VRK2: variants seen among roughly 807,000 people sequenced by gnomAD.
VRK2 encodes the protein serine/threonine-protein kinase VRK2.
A neutral mutation model predicts 57.6 loss-of-function variants in VRK2; 60 were observed. That is an observed-to-expected ratio of 1.04 (90% CI 0.85 to 1.29). The LOEUF (loss-of-function observed/expected upper bound fraction) is 1.29. Ranked by LOEUF, VRK2 falls within the 50% of genes most tolerant of loss-of-function variation. The pLI, the probability that VRK2 is intolerant of heterozygous loss-of-function variation, is 0.00. For synonymous variants in VRK2, 231 were observed against 199.2 expected, an observed-to-expected ratio of 1.16 and a Z score of -1.35; for missense variants, 705 against 588.1, an observed-to-expected ratio of 1.20 and a Z score of -2.06.
intron 1 of VRK2, among the ~76,000 whole-genome samples, chr2:57,987,130 A>G (rs1672621373): frequency 6.6e-6 from 1 of 152,180 alleles, no homozygotes; most frequent in Non-Finnish European, 1.5e-5. Flanking sequence ...TGAAATATCA[A>G]AAGCATAAAA....
intron 1 of VRK2, among the ~76,000 whole-genome samples, chr2:57,912,259 G>A (rs1040226): frequency 0.31 from 47,559 of 152,006 alleles, 9,116 homozygotes; most frequent in African/African-American, 0.55. Flanking sequence ...AAGTGAACAA[G>A]CCATGTGTCT....
At chr2:58,128,607 C>G (rs1678712835) in intron 8 of VRK2, among the ~76,000 whole-genome samples, 1 of 152,146 alleles carries the variant, frequency 6.6e-6, no homozygotes. Flanking sequence ...ACTGGGATTA[C>G]AGGTATGAGC....
chr2:58,054,390 GT>G (rs542701260), intron 2 of VRK2, among the ~76,000 whole-genome samples: 58 of 144,832 alleles, frequency 4.0e-4, no homozygotes, highest in Admixed American at 3.4e-4. Context: ...AGTGGTCAAG[GT>G]TTTTTTTTTT....
At chr2:58,047,915 C>T (rs899811664) in intron 1 of VRK2, among the ~76,000 whole-genome samples, 1 of 152,210 alleles carries the variant, frequency 6.6e-6, no homozygotes, top group African/African-American at 2.4e-5. Context: ...TTTACATTTA[C>T]GTATATACGT....
intron 2 of VRK2, among the ~76,000 whole-genome samples, chr2:58,070,775 T>A (rs564193892): frequency 3.3e-5 from 5 of 152,314 alleles, no homozygotes; most frequent in African/African-American, 1.2e-4. Context: ...ATAAATGTTT[T>A]ATGTGCGGAT....
At chr2:57,970,872 TC>T (rs1331704038) in intron 1 of VRK2, among the ~76,000 whole-genome samples, 1 of 152,078 alleles carries the variant, frequency 6.6e-6, no homozygotes, top group Non-Finnish European at 1.5e-5. Context: ...TTACATTTTA[TC>T]TTTAAATATT....
chr2:57,988,915 T>C (rs532400984), intron 1 of VRK2, among the ~76,000 whole-genome samples: 1 of 152,298 alleles, frequency 6.6e-6, no homozygotes, highest in South Asian at 2.1e-4. Flanking sequence ...ACAAACCCCA[T>C]ATTTATGCAA....
chr2:58,030,708 G>A (rs1248184282), intron 2 of VRK2, among the ~76,000 whole-genome samples: 1 of 152,008 alleles, frequency 6.6e-6, no homozygotes, highest in African/African-American at 2.4e-5. Context: ...TCTTAAGTCT[G>A]GGTGGGCTTG....
At chr2:58,014,775 T>C (rs1045492056) in intron 1 of VRK2, among the ~76,000 whole-genome samples, 4 of 152,184 alleles carry the variant, frequency 2.6e-5, no homozygotes, top group Admixed American at 1.3e-4. Context: ...TTTAGAACTT[T>C]TGTTAGTTTT....
chr2:58,014,518 T>G (rs1673515899), intron 1 of VRK2, among the ~76,000 whole-genome samples: 2 of 152,220 alleles, frequency 1.3e-5, no homozygotes, highest in South Asian at 4.1e-4. Flanking sequence ...GCCTTTACCC[T>G]TGCATTCTGC....
At chr2:58,054,664 C>T (rs1435827291) in intron 2 of VRK2, among the ~76,000 whole-genome samples, 1 of 152,004 alleles carries the variant, frequency 6.6e-6, no homozygotes, top group East Asian at 1.9e-4. Flanking sequence ...AACTTTAAAG[C>T]TCTAAATGAG....
At chr2:58,086,223 T>C (rs963525928) in intron 4 of VRK2, 116 bp from the exon 5 acceptor site, 4 of 838,946 alleles carry the variant, frequency 4.8e-6, no homozygotes, top group South Asian at 3.5e-5. Context: ...AAAAAAATTA[T>C]CTTCTAGGAA....
chr2:57,958,833 G>A (rs1398443983), intron 1 of VRK2, among the ~76,000 whole-genome samples: 1 of 152,122 alleles, frequency 6.6e-6, no homozygotes, highest in Non-Finnish European at 1.5e-5. Flanking sequence ...CAGTAACACT[G>A]ATATTTATTA....
intron 1 of VRK2, among the ~76,000 whole-genome samples, chr2:58,023,403 T>C (rs964032113): frequency 2.0e-5 from 3 of 152,232 alleles, no homozygotes; most frequent in African/African-American, 7.2e-5. Flanking sequence ...ACACTACATT[T>C]TGTTTCTCCA....
rs749406054 is a variant in VRK2, at chr2:57,917,892, T to C, written c.-439+10053T>C. Among the ~76,000 whole-genome samples, 3 of 152,206 alleles carry C rather than the reference T, an allele frequency of 2.0e-5. No homozygotes were observed. The South Asian group carries it at 6.2e-4, about 32-fold the overall frequency. On this transcript the variant is annotated intron_variant, in intron 1 of 15. Coordinates refer to the VRK2 transcript ENST00000417641. ...AAGTCACACATGAAAAATAATCTTG[T>C]TATTTTACAATCACAGTTTGCAGCT...
intron 1 of VRK2, among the ~76,000 whole-genome samples, chr2:58,019,981 G>A (rs1438502906): frequency 1.3e-5 from 2 of 152,080 alleles, no homozygotes; most frequent in Non-Finnish European, 2.9e-5. Flanking sequence ...CTAAAACAAC[G>A]TGACATAACT....
chr2:58,123,819 C>T (rs1307894096), intron 8 of VRK2, among the ~76,000 whole-genome samples: 1 of 151,710 alleles, frequency 6.6e-6, no homozygotes, highest in Non-Finnish European at 1.5e-5. Flanking sequence ...CACACCACTG[C>T]TCCCCAACCT....
intron 2 of VRK2, among the ~76,000 whole-genome samples, chr2:58,074,598 A>G (rs1221701294): frequency 6.6e-6 from 1 of 152,084 alleles, no homozygotes; most frequent in East Asian, 1.9e-4. Context: ...GCTGTAATTC[A>G]TTTCACTTAT....
At chr2:57,924,741 T>C (rs1670475346) in intron 1 of VRK2, among the ~76,000 whole-genome samples, 1 of 152,022 alleles carries the variant, frequency 6.6e-6, no homozygotes, top group Admixed American at 6.6e-5. Context: ...CAGTAATACG[T>C]TGAATAACAG....
Sources: gnomAD v4.1 joint callset for allele counts (sites outside exome capture counted in the v4.1 genomes callset) on GRCh38, gnomAD v4.1.1 for gene constraint, MANE v1.5 for transcripts, NCBI Gene and HGNC (gene_info 2026-07-23, HGNC 2026-07-21) for gene names.